ARHGEF18: variants seen among roughly 807,000 people sequenced by gnomAD.
The protein encoded by ARHGEF18 is rho guanine nucleotide exchange factor 18.
ARHGEF18 carries 93 observed loss-of-function variants against 155.7 expected under a neutral mutation model. The ratio of observed to expected loss-of-function variants is 0.60; its 90% CI spans 0.50 to 0.71. ARHGEF18 has a LOEUF of 0.71. Among genes scored for constraint, ARHGEF18 ranks in the 30% least tolerant of loss-of-function variants. The pLI is 0.00. For synonymous variants in ARHGEF18, 742 were observed against 753.1 expected, an observed-to-expected ratio of 0.99 and a Z score of 0.24; for missense variants, 1,593 against 1,816.1, an observed-to-expected ratio of 0.88 and a Z score of 2.23.
intron 2 of ARHGEF18, among the ~76,000 whole-genome samples, chr19:7,371,891 G>A (rs1434465214): frequency 1.3e-5 from 2 of 152,246 alleles, no homozygotes; most frequent in South Asian, 2.1e-4. Flanking sequence ...GAAGGGAGGG[G>A]CCAAATCTAT....
downstream of ARHGEF18, chr19:7,477,303 A>T (rs1977262163): frequency 6.4e-7 from 1 of 1,568,136 alleles, no homozygotes; most frequent in Middle Eastern, 1.7e-4. Context: ...CACGGCGGGA[A>T]GCGGCCGGCC....
At chr19:7,442,225 C>CTCTT (rs137965807) in intron 13 of ARHGEF18, among the ~76,000 whole-genome samples, 173 bp downstream of exon 13, 2,830 of 148,406 alleles carry the variant, frequency 0.019, 91 homozygotes, top group African/African-American at 0.064. Flanking sequence ...TCCTCTTTCT[C>CTCTT]TCTTTCTTTC....
Position 7,470,220 on chromosome 19 carries a change from C to G in ARHGEF18, c.4008C>G (p.Pro1336=), listed in dbSNP as rs747985079. 3.5e-5 allele frequency: 56 copies of G among 1,609,446 alleles called. No homozygotes were observed. Among genetic ancestry groups the G allele is most frequent in the Non-Finnish European group, 4.4e-5 (52 of 1,178,582 alleles). ...KAGGTALLPG[P]PAPSPLPATP... is the part of the protein sequence containing the mutation. The stretch of plus-strand genomic sequence containing the variant: ...GGGGCACAGCCCTCCTGCCCGGGCC[C>G]CCAGCTCCCTCGCCACTGCCGGCCA... Residue 1336 remains proline (P), a synonymous_variant, in exon 29 of 29, where the codon CCC becomes CCG. Transcript: ENST00000668164. The surrounding 1 kb of genome is among the most constrained non-coding windows in gnomAD (Gnocchi z 5.9).
At position 7,412,781 on chromosome 19, in the gene ARHGEF18, T is replaced by G. The variant is rs114723072; in HGVS notation, c.968-27563T>G. On this transcript the variant is annotated intron_variant, in intron 10 of 28. Coordinates refer to ENST00000668164, the MANE Select transcript of ARHGEF18 (RefSeq NM_001367823.1). Reference sequence around the variant, plus strand: ...AGTAAATAAAATAAATTATCCCATCTTAGTGGGTGTGAAGTGGGCGGTTTT... The same window carrying G: ...AGTAAATAAAATAAATTATCCCATCGTAGTGGGTGTGAAGTGGGCGGTTTT... Among the ~76,000 whole-genome samples the G allele has an allele frequency of 9.6e-3, 1,453 of 151,896 alleles. 34 individuals carry two copies. The highest frequency in any genetic ancestry group is 0.033 in the African/African-American group (1,388 of 41,456).
intron 1 of ARHGEF18, among the ~76,000 whole-genome samples, chr19:7,362,224 AGAG>A (rs1259037167): frequency 6.2e-5 from 9 of 145,876 alleles, no homozygotes; most frequent in South Asian, 2.2e-4. Context: ...AAGAGGAAGA[AGAG>A]GAAGAAGAAG....
intron 2 of ARHGEF18, among the ~76,000 whole-genome samples, chr19:7,367,778 T>C (rs1190720048): frequency 6.3e-4 from 41 of 64,704 alleles, no homozygotes; most frequent in East Asian, 2.9e-3. Flanking sequence ...TATATACACA[T>C]ATATATATTT....
intron 27 of ARHGEF18, among the ~76,000 whole-genome samples, chr19:7,469,697 G>A (rs1360252795): frequency 6.6e-6 from 1 of 152,164 alleles, no homozygotes; most frequent in Non-Finnish European, 1.5e-5. Flanking sequence ...GATGCCGGGT[G>A]ACTCTGCAGG....
At chr19:7,409,594 A>G (rs1972548428) in intron 10 of ARHGEF18, among the ~76,000 whole-genome samples, 1 of 149,968 alleles carries the variant, frequency 6.7e-6, no homozygotes, top group South Asian at 2.1e-4. Context: ...CCTCCAGCTA[A>G]TTTTTGTATT....
chr19:7,444,138 AC>A lies in ARHGEF18; in HGVS notation c.1361-63del. 2 of 1,581,950 alleles carry A rather than the reference AC, an allele frequency of 1.3e-6. No individual in the cohort carries two copies. The highest frequency in any genetic ancestry group is 4.5e-5 in the East Asian group (2 of 44,474). ...GTTCAGCACGTGAAGGGCAGGCAGC[AC>A]CCACGACTGCCCAGCGGGGCCGTGG... is the stretch of plus-strand genomic sequence containing the variant. On this transcript the variant is annotated intron_variant, in intron 13 of 28. Transcript: ENST00000668164. The surrounding 1 kb of genome is among the most constrained non-coding windows in gnomAD (Gnocchi z 4.7).
chr19:7,396,037 T>C (rs1281860616), intron 10 of ARHGEF18, among the ~76,000 whole-genome samples: 10 of 152,108 alleles, frequency 6.6e-5, no homozygotes, highest in Non-Finnish European at 1.3e-4. Context: ...TCTGTTGTCT[T>C]CTTGGTGTCC....
Position 7,397,848 on chromosome 19 carries a change from C to T in ARHGEF18, c.967+14645C>T, listed in dbSNP as rs554944299. The stretch of plus-strand genomic sequence containing the variant: ...CCTCCCAAAGTGCTAGGATTACAGG[C>T]GTGAGCTGCCACAGCCTGTGGTTTT... On this transcript the variant is annotated intron_variant, in intron 10 of 28. Coordinates refer to ENST00000668164, the MANE Select transcript of ARHGEF18 (RefSeq NM_001367823.1). Among the ~76,000 whole-genome samples, 9 of 152,142 alleles carry T rather than the reference C, an allele frequency of 5.9e-5. No homozygotes were observed. The East Asian group carries it at 1.4e-3, about 23-fold the overall frequency.
At chr19:7,453,805 G>A in intron 17 of ARHGEF18, 90 bp downstream of exon 17, 2 of 1,431,854 alleles carry the variant, frequency 1.4e-6, no homozygotes, top group Non-Finnish European at 1.8e-6. Flanking sequence ...TTAGATTAGT[G>A]GCACCATCTT....
At chr19:7,398,551 C>G (rs1250028822) in intron 10 of ARHGEF18, among the ~76,000 whole-genome samples, 1 of 151,494 alleles carries the variant, frequency 6.6e-6, no homozygotes, top group African/African-American at 2.4e-5. Context: ...ATTAGCTGGG[C>G]GTGGTGGCCT....
chr19:7,461,537 G>T (rs541031642), intron 20 of ARHGEF18, among the ~76,000 whole-genome samples: 1 of 152,102 alleles, frequency 6.6e-6, no homozygotes, highest in Non-Finnish European at 1.5e-5. Flanking sequence ...GCGACAGAGC[G>T]AGACTCCTTC....
rs370739393 is a variant in ARHGEF18 at position 7,460,011 on chromosome 19, G to A, written c.2452+17G>A. ...ACTTTCAAGGTGAGCGGGAGACAGC[G>A]TCTGGGCACACCCCTTGTGTGGTGA... On this transcript the variant is annotated intron_variant, in intron 20 of 28. Transcript: ENST00000668164. The A allele has an allele frequency of 3.9e-5, 61 of 1,558,584 alleles. No homozygotes were observed. Among genetic ancestry groups the A allele is most frequent in the African/African-American group, 2.2e-4 (16 of 73,612 alleles).
At chr19:7,386,891 C>T (rs1971111938) in intron 10 of ARHGEF18, among the ~76,000 whole-genome samples, 1 of 152,066 alleles carries the variant, frequency 6.6e-6, no homozygotes, top group Non-Finnish European at 1.5e-5. Flanking sequence ...CCCTTCTCCA[C>T]TCTGGGCGCT....
intron 13 of ARHGEF18, among the ~76,000 whole-genome samples, chr19:7,443,000 C>T (rs1426051865): frequency 1.3e-5 from 2 of 151,966 alleles, no homozygotes; most frequent in Non-Finnish European, 2.9e-5. Context: ...AGCAATTGTC[C>T]TGCCTCAGCC....
In ARHGEF18 at chr19:7,462,312, T is replaced by A. The variant is rs769942770; in HGVS notation, c.2613T>A (p.Ile871=). 1.2e-5 allele frequency: 19 copies of A among 1,603,188 alleles called. No homozygotes were observed. Among genetic ancestry groups the A allele is most frequent in the Admixed American group, 1.7e-5 (1 of 58,120 alleles). The change falls in exon 21 of 29, where the codon ATT becomes ATA. Residue 871 remains isoleucine (I), a synonymous_variant. Transcript: ENST00000668164. The surrounding 1 kb of genome is among the most constrained non-coding windows in gnomAD (Gnocchi z 4.4). ...DPSETLQGEL[I]LKSAMSEIEG... is the part of the protein sequence containing the mutation. ...CCGAGACCCTGCAGGGGGAGCTAAT[T>A]CTCAAGTCGGCCATGAGCGAGAGTA...
Position 7,444,508 on chromosome 19 carries a change from G to A in ARHGEF18, c.1611+54G>A. On this transcript the variant is annotated intron_variant, in intron 14 of 28. Coordinates refer to ENST00000668164, the MANE Select transcript of ARHGEF18 (RefSeq NM_001367823.1). This position sits in a 1 kb window ranked among gnomAD's most constrained non-coding sequence, Gnocchi z 4.7. ...TCTTCAAAGCCTCTGCCTTGTCTCT[G>A]TTCCTTTCTTCTTTTTTTCTGAGAT... is the stretch of plus-strand genomic sequence containing the variant. 2.5e-6 allele frequency: 4 copies of A among 1,588,550 alleles called. No homozygotes were observed. The highest frequency in any genetic ancestry group is 3.4e-6 in the Non-Finnish European group (4 of 1,166,822).
Sources: allele counts gnomAD v4.1 joint callset (sites outside exome capture counted in the v4.1 genomes callset), GRCh38; gene constraint gnomAD v4.1.1; non-coding constraint Gnocchi (gnomAD v3.1); transcripts MANE v1.5; gene names NCBI Gene and HGNC (gene_info 2026-07-23, HGNC 2026-07-21).